Variants in FHIT observed in about 807,000 individuals in gnomAD.
FHIT encodes the protein bis(5'-adenosyl)-triphosphatase.
FHIT carries 19 observed loss-of-function variants against 17.9 expected under a neutral mutation model. The ratio of observed to expected loss-of-function variants is 1.06; its 90% CI spans 0.74 to 1.56. The LOEUF is 1.56. Ranked by LOEUF, FHIT falls within the 40% of genes most tolerant of loss-of-function variation. FHIT has a pLI of 0.00. For missense variants in FHIT, 248 were observed against 189.2 expected (o/e 1.31, Z -1.82); for synonymous variants, 81 against 69.7 (o/e 1.16, Z -0.81).
At chr3:61,210,281 C>T (rs2039417001) in intron 1 of FHIT, among the ~76,000 whole-genome samples, 1 of 152,208 alleles carries the variant, frequency 6.6e-6, no homozygotes, top group African/African-American at 2.4e-5. Context: ...GCAGTCTGCC[C>T]ATTCTCAGAT....
intron 3 of FHIT, among the ~76,000 whole-genome samples, chr3:60,928,502 T>C (rs942706680): frequency 2.0e-5 from 3 of 151,454 alleles, no homozygotes; most frequent in South Asian, 2.1e-4. Context: ...CAAGCCATGA[T>C]TGTGCTACTG....
intron 2 of FHIT, among the ~76,000 whole-genome samples, chr3:61,090,174 T>C (rs1236687275): frequency 2.0e-5 from 3 of 152,184 alleles, no homozygotes; most frequent in African/African-American, 7.2e-5. Flanking sequence ...ATTCATGCCC[T>C]TTTTTGGGGC....
chr3:60,287,943 A>G (rs1707804302), intron 5 of FHIT, among the ~76,000 whole-genome samples: 2 of 151,656 alleles, frequency 1.3e-5, no homozygotes, highest in South Asian at 4.2e-4. Context: ...AGGGCTTCAA[A>G]CCACCATAAA....
chr3:60,562,785 G>A (rs1015891572), intron 4 of FHIT, among the ~76,000 whole-genome samples: 3 of 152,146 alleles, frequency 2.0e-5, no homozygotes, highest in Non-Finnish European at 4.4e-5. Flanking sequence ...GCCACCTTGA[G>A]TAAGACCTAA....
At chr3:60,279,802 C>T (rs1201473578) in intron 5 of FHIT, among the ~76,000 whole-genome samples, 1 of 151,974 alleles carries the variant, frequency 6.6e-6, no homozygotes, top group Non-Finnish European at 1.5e-5. Flanking sequence ...GAGGCCGAGA[C>T]GGGCAGATCA....
At chr3:60,963,997 T>A (rs1425832866) in intron 3 of FHIT, among the ~76,000 whole-genome samples, 1 of 152,194 alleles carries the variant, frequency 6.6e-6, no homozygotes, top group African/African-American at 2.4e-5. Flanking sequence ...GTTAACTTTC[T>A]GTCTCATTGA....
intron 5 of FHIT, among the ~76,000 whole-genome samples, chr3:60,380,661 TTGTC>T (rs1700761416): frequency 6.6e-6 from 1 of 152,204 alleles, no homozygotes; most frequent in South Asian, 2.1e-4. Flanking sequence ...CCAAGTTTAG[TTGTC>T]TCACTGCATG....
At chr3:60,642,489 C>A (rs1010479145) in intron 4 of FHIT, among the ~76,000 whole-genome samples, 1 of 152,066 alleles carries the variant, frequency 6.6e-6, no homozygotes, top group Admixed American at 6.5e-5. Context: ...ACACACACAC[C>A]CTCCCCATGG....
chr3:59,848,265 A>T (rs988987611), intron 8 of FHIT, among the ~76,000 whole-genome samples: 2 of 152,194 alleles, frequency 1.3e-5, no homozygotes, highest in Admixed American at 1.3e-4. Context: ...TTTCCCTGGA[A>T]TATTCAGGCC....
At chr3:60,441,465 A>C (rs1281687588) in intron 5 of FHIT, among the ~76,000 whole-genome samples, 1 of 151,852 alleles carries the variant, frequency 6.6e-6, no homozygotes, top group African/African-American at 2.4e-5. Flanking sequence ...ATCTTTAAAA[A>C]ACAATTTATC....
intron 4 of FHIT, among the ~76,000 whole-genome samples, chr3:60,648,497 A>G (rs2107802854): frequency 6.6e-6 from 1 of 152,030 alleles, no homozygotes; most frequent in Non-Finnish European, 1.5e-5. Flanking sequence ...GGGGTGAAGG[A>G]TTTGGGGGAG....
At chr3:61,205,225 T>C (rs1429536252) in intron 1 of FHIT, among the ~76,000 whole-genome samples, 6 of 152,166 alleles carry the variant, frequency 3.9e-5, no homozygotes, top group African/African-American at 1.4e-4. Context: ...CTATCATTGT[T>C]GGACATTTGG....
chr3:60,638,550 C>A (rs959283155), intron 4 of FHIT, among the ~76,000 whole-genome samples: 1 of 151,998 alleles, frequency 6.6e-6, no homozygotes. Context: ...GGTCGTGTAC[C>A]AGATCAATCA....
intron 8 of FHIT, among the ~76,000 whole-genome samples, chr3:59,895,590 A>G (rs745338684): frequency 6.6e-6 from 1 of 152,208 alleles, no homozygotes; most frequent in Non-Finnish European, 1.5e-5. Flanking sequence ...TGCCACATCC[A>G]GAACCTAACA....
intron 4 of FHIT, among the ~76,000 whole-genome samples, chr3:60,640,310 A>C (rs1401284615): frequency 2.0e-5 from 3 of 152,052 alleles, no homozygotes; most frequent in African/African-American, 7.2e-5. Context: ...TTTTTTCCTA[A>C]AAGACAGTTG....
intron 5 of FHIT, among the ~76,000 whole-genome samples, chr3:60,025,093 G>A (rs145068963): frequency 6.6e-6 from 1 of 152,268 alleles, no homozygotes; most frequent in East Asian, 1.9e-4. Flanking sequence ...GTTCTGGCTT[G>A]GGTAGTAGGT....
chr3:60,092,163 G>A (rs1048029405), intron 5 of FHIT, among the ~76,000 whole-genome samples: 1 of 152,180 alleles, frequency 6.6e-6, no homozygotes, highest in Non-Finnish European at 1.5e-5. Flanking sequence ...TGCAGATACT[G>A]AACACACATC....
intron 3 of FHIT, among the ~76,000 whole-genome samples, chr3:60,832,876 T>G (rs73111728): frequency 0.075 from 11,437 of 152,240 alleles, 534 homozygotes; most frequent in African/African-American, 0.12. Flanking sequence ...GCATTCAAAA[T>G]TCAGAGTGTA....
intron 5 of FHIT, among the ~76,000 whole-genome samples, chr3:60,071,080 C>T (rs967264804): frequency 4.6e-5 from 7 of 152,156 alleles, no homozygotes; most frequent in Non-Finnish European, 2.9e-5. Flanking sequence ...TATTTCCACC[C>T]TCATCTAGCA....
Sources: gnomAD v4.1 joint callset for allele counts (sites outside exome capture counted in the v4.1 genomes callset) on GRCh38, gnomAD v4.1.1 for gene constraint, MANE v1.5 for transcripts, NCBI Gene and HGNC (gene_info 2026-07-23, HGNC 2026-07-21) for gene names.